Variants in CPA6 observed in about 807,000 individuals in gnomAD.
The protein encoded by CPA6 is carboxypeptidase A6.
CPA6 carries 58 observed loss-of-function variants against 63.3 expected under a neutral mutation model. The ratio of observed to expected loss-of-function variants is 0.92; its 90% CI spans 0.74 to 1.14. The LOEUF (loss-of-function observed/expected upper bound fraction) is 1.14, where lower values mean the gene tolerates loss of function less well. Ranked by LOEUF, CPA6 falls within the 50% of genes most tolerant of loss-of-function variation. CPA6 has a pLI of 0.00. For synonymous variants in CPA6, 185 were observed against 179.0 expected (o/e 1.03, Z -0.27); for missense variants, 565 against 526.6 (o/e 1.07, Z -0.71).
intron 3 of CPA6, among the ~76,000 whole-genome samples, chr8:67,516,860 G>A (rs916458247): frequency 1.3e-5 from 2 of 151,992 alleles, no homozygotes; most frequent in African/African-American, 2.4e-5. Flanking sequence ...GCAGTGGCGC[G>A]ATCTCAGCTC....
At chr8:67,635,304 ATT>A (rs922258534) in intron 1 of CPA6, among the ~76,000 whole-genome samples, 4 of 151,524 alleles carry the variant, frequency 2.6e-5, no homozygotes, top group Non-Finnish European at 5.9e-5. Context: ...TGCTGCTGGC[ATT>A]TTTTCTTGCC....
chr8:67,664,878 C>A lies in CPA6; in HGVS notation c.117-40627G>T, dbSNP rs149281211. Reference sequence around the variant, plus strand: ...AATCGTGTATCATGTTATTACAAGGCAAGTTTAATGTATTAAGCAATAGAA... The same window carrying A: ...AATCGTGTATCATGTTATTACAAGGAAAGTTTAATGTATTAAGCAATAGAA... On this transcript the variant is annotated intron_variant, in intron 1 of 10. Coordinates refer to ENST00000297770, the MANE Select transcript of CPA6 (RefSeq NM_020361.5). Among the ~76,000 whole-genome samples the A allele has an allele frequency of 6.6e-3, 1,004 of 152,194 alleles. 27 individuals are homozygous for A. Among genetic ancestry groups the A allele is most frequent in the East Asian group, 0.026 (137 of 5,182 alleles).
Position 67,466,098 on chromosome 8 carries a change from T to C in CPA6, c.838+17670A>G, listed in dbSNP as rs1301374976. Among the ~76,000 whole-genome samples, 235 of 151,432 alleles carry C rather than the reference T, an allele frequency of 1.6e-3. 3 individuals are homozygous for C. The highest frequency in any genetic ancestry group is 3.0e-3 in the Non-Finnish European group (202 of 67,842). ...GTCTGAGGCTTGTTTTTTTTTTTTT[T>C]TTTTTGGTAGGTTTTTAATTACTGC... is the stretch of plus-strand genomic sequence containing the variant. On this transcript the variant is annotated intron_variant, in intron 8 of 10. Transcript: ENST00000297770.
At chr8:67,577,684 C>T (rs1813661952) in intron 2 of CPA6, among the ~76,000 whole-genome samples, 1 of 152,094 alleles carries the variant, frequency 6.6e-6, no homozygotes, top group South Asian at 2.1e-4. Flanking sequence ...TAACCTGCTG[C>T]CTAAATTAAG....
chr8:67,713,494 G>A (rs1238740589), intron 1 of CPA6, among the ~76,000 whole-genome samples: 2 of 152,114 alleles, frequency 1.3e-5, no homozygotes, highest in East Asian at 1.9e-4. Flanking sequence ...TTTATTCCAT[G>A]TAATCAGTTC....
chr8:67,607,538 T>C (rs189746962), intron 2 of CPA6, among the ~76,000 whole-genome samples: 1 of 152,168 alleles, frequency 6.6e-6, no homozygotes, highest in East Asian at 1.9e-4. Flanking sequence ...GATTCCTTTT[T>C]ATTTCTGCTT....
In CPA6 at chr8:67,627,819, C is replaced by CTAA. The variant is rs777274385; in HGVS notation, c.117-3571_117-3569dup. On this transcript the variant is annotated intron_variant, in intron 1 of 10. Coordinates refer to ENST00000297770, the MANE Select transcript of CPA6 (RefSeq NM_020361.5). ...ACGTTGAGTTTGGTTGTGAGTTTGA[C>CTAA]TAATAATCCTGCTGTACAGTAGCAA... is the stretch of plus-strand genomic sequence containing the variant. Among the ~76,000 whole-genome samples, 4 of 152,290 alleles carry CTAA rather than the reference C, an allele frequency of 2.6e-5. No individual in the cohort carries two copies. In the East Asian group the frequency reaches 7.7e-4, roughly 29 times the overall value.
At chr8:67,681,625 C>T (rs1416290195) in intron 1 of CPA6, among the ~76,000 whole-genome samples, 2 of 152,020 alleles carry the variant, frequency 1.3e-5, no homozygotes, top group African/African-American at 4.8e-5. Flanking sequence ...GGACTTTCTC[C>T]TGGAATACAG....
At chr8:67,683,763 C>G (rs780035358) in intron 1 of CPA6, among the ~76,000 whole-genome samples, 1 of 151,944 alleles carries the variant, frequency 6.6e-6, no homozygotes, top group Non-Finnish European at 1.5e-5. Context: ...TATGACACTT[C>G]TATATGTTTT....
rs760262618 is a variant in CPA6 at position 67,435,595 on chromosome 8, T to G, written c.839-1355A>C. Among the ~76,000 whole-genome samples the G allele has an allele frequency of 2.0e-5, 3 of 151,860 alleles. No individual in the cohort carries two copies. In the East Asian group the frequency reaches 5.8e-4, roughly 30 times the overall value. On this transcript the variant is annotated intron_variant, in intron 8 of 10. Coordinates refer to ENST00000297770, the MANE Select transcript of CPA6 (RefSeq NM_020361.5). ...AGTGCCGAGGGTGGGGAGATGGAGC[T>G]GCCTGACTCAGTGTGTGAGTGTGTG...
chr8:67,592,181 G>T lies in CPA6; in HGVS notation c.192+31995C>A, dbSNP rs537383360. On this transcript the variant is annotated intron_variant, in intron 2 of 10. Coordinates refer to ENST00000297770, the MANE Select transcript of CPA6 (RefSeq NM_020361.5). ...TGTCTTTGGTTCTGTTTATATGCTGGATTACATTTACTGATTTGCATATAT... is the reference window on the plus strand; with the variant it reads ...TGTCTTTGGTTCTGTTTATATGCTGTATTACATTTACTGATTTGCATATAT... Among the ~76,000 whole-genome samples the T allele has an allele frequency of 2.0e-5, 3 of 152,228 alleles. No homozygotes were observed. In the East Asian group the frequency reaches 5.8e-4, roughly 29 times the overall value.
intron 6 of CPA6, among the ~76,000 whole-genome samples, chr8:67,503,751 A>AT (rs1811875687): frequency 6.6e-6 from 1 of 152,010 alleles, no homozygotes; most frequent in South Asian, 2.1e-4. Flanking sequence ...TATTATTATT[A>AT]TTTTTTTAAG....
intron 6 of CPA6, among the ~76,000 whole-genome samples, chr8:67,497,349 A>G (rs912610432): frequency 2.0e-5 from 3 of 152,214 alleles, no homozygotes; most frequent in African/African-American, 7.2e-5. Context: ...AAACGGAGTG[A>G]TACAATATAT....
intron 2 of CPA6, among the ~76,000 whole-genome samples, chr8:67,623,901 GCCGGA>G (rs1417602907): frequency 2.6e-5 from 4 of 152,054 alleles, no homozygotes; most frequent in Non-Finnish European, 5.9e-5. Flanking sequence ...CTACTAAGAG[GCCGGA>G]GAATTGCTTG....
intron 1 of CPA6, among the ~76,000 whole-genome samples, chr8:67,720,181 G>C (rs1817466968): frequency 6.7e-6 from 1 of 148,886 alleles, no homozygotes; most frequent in Non-Finnish European, 1.5e-5. Flanking sequence ...AAGGTGCTCA[G>C]TGGGGGTGCT....
chr8:67,745,868 G>C (rs1372777466), intron 1 of CPA6, 146 bp downstream of exon 1: 6 of 532,984 alleles, frequency 1.1e-5, no homozygotes, highest in Non-Finnish European at 2.0e-5. Flanking sequence ...GCAGAGAGCT[G>C]TGAGTACATT....
At chr8:67,503,913 C>A (rs1811879006) in intron 6 of CPA6, among the ~76,000 whole-genome samples, 1 of 152,050 alleles carries the variant, frequency 6.6e-6, no homozygotes, top group African/African-American at 2.4e-5. Flanking sequence ...TTTCCCCCAT[C>A]CCCTGACAGG....
chr8:67,592,847 A>C (rs1360499795), intron 2 of CPA6, among the ~76,000 whole-genome samples: 2 of 152,152 alleles, frequency 1.3e-5, no homozygotes, highest in Non-Finnish European at 2.9e-5. Context: ...TCCTGGATTC[A>C]TTAATTTTTT....
chr8:67,457,925 C>G (rs971004736), intron 8 of CPA6, among the ~76,000 whole-genome samples: 1 of 152,158 alleles, frequency 6.6e-6, no homozygotes, highest in African/African-American at 2.4e-5. Context: ...TTCATTTCCT[C>G]TCTTGAAACC....
Sources: gnomAD v4.1 joint callset for allele counts (sites outside exome capture counted in the v4.1 genomes callset) on GRCh38, gnomAD v4.1.1 for gene constraint, MANE v1.5 for transcripts, NCBI Gene and HGNC (gene_info 2026-07-23, HGNC 2026-07-21) for gene names.